WDR43: variants seen among roughly 807,000 people sequenced by gnomAD.
The protein encoded by WDR43 is WD repeat domain 43, also known as WD repeat-containing protein 43.
In WDR43, 13 loss-of-function variants were observed where a neutral mutation model predicts 91.4. That is an observed-to-expected ratio of 0.14 (90% confidence interval 0.09 to 0.23). The LOEUF is 0.23. Among genes scored for constraint, WDR43 ranks in the 10% least tolerant of loss-of-function variants. The pLI is 1.00. For missense variants in WDR43, 780 were observed against 809.4 expected (o/e 0.96, Z 0.44); for synonymous variants, 331 against 287.9 (o/e 1.15, Z -1.51).
chr2:28,912,100 G>C (rs1373637965), intron 3 of WDR43, among the ~76,000 whole-genome samples: 1 of 152,124 alleles, frequency 6.6e-6, no homozygotes, highest in Non-Finnish European at 1.5e-5. Flanking sequence ...TGTGGATTTA[G>C]GGTAGAAATA....
At position 28,946,259 on chromosome 2, in the gene WDR43, C is replaced by A. The variant is rs570187475; in HGVS notation, c.1805-191C>A. Among the ~76,000 whole-genome samples the A allele has an allele frequency of 1.3e-3, 199 of 150,210 alleles. 1 individual carries two copies. Among genetic ancestry groups the A allele is most frequent in the Non-Finnish European group, 2.4e-3 (159 of 67,562 alleles). On this transcript the variant is annotated intron_variant, in intron 16 of 17. Coordinates refer to ENST00000407426, the MANE Select transcript of WDR43 (RefSeq NM_015131.3). ...CTGGGAGGCAGAGGTTGCAGTGAGC[C>A]AAGATTGCTCCACTGCACTCCAGCC...
At chr2:28,917,011 GTCT>G (rs1670923819) in intron 5 of WDR43, among the ~76,000 whole-genome samples, 2 of 152,150 alleles carry the variant, frequency 1.3e-5, no homozygotes, top group African/African-American at 2.4e-5. Flanking sequence ...GCACATCCCA[GTCT>G]TCTTGTGCTT....
At chr2:28,924,756 AG>A (rs1437548085) in intron 7 of WDR43, among the ~76,000 whole-genome samples, 1 of 151,896 alleles carries the variant, frequency 6.6e-6, no homozygotes, top group Non-Finnish European at 1.5e-5. Flanking sequence ...AATGGGACAG[AG>A]GGGGAAGTAG....
intron 1 of WDR43, among the ~76,000 whole-genome samples, chr2:28,901,042 T>C (rs1670570207): frequency 6.6e-6 from 1 of 152,250 alleles, no homozygotes; most frequent in Non-Finnish European, 1.5e-5. Context: ...TGTCTTGGGC[T>C]GTGTGCATGC....
At chr2:28,920,431 T>A (rs1390027352) in intron 6 of WDR43, among the ~76,000 whole-genome samples, 1 of 151,694 alleles carries the variant, frequency 6.6e-6, no homozygotes, top group Non-Finnish European at 1.5e-5. Context: ...TTTTGCCATG[T>A]TGGGAAGGCT....
At chr2:28,901,663 TCA>T (rs1454297810) in intron 1 of WDR43, among the ~76,000 whole-genome samples, 4 of 152,152 alleles carry the variant, frequency 2.6e-5, no homozygotes, top group African/African-American at 4.8e-5. Flanking sequence ...GTTGGACCTG[TCA>T]GGAGGGGCGG....
chr2:28,937,659 C>T (rs1463472902), intron 13 of WDR43, among the ~76,000 whole-genome samples: 1 of 152,106 alleles, frequency 6.6e-6, no homozygotes, highest in Non-Finnish European at 1.5e-5. Context: ...TGAAGTAAAG[C>T]ACGGGTTTTG....
intron 15 of WDR43, 112 bp from the exon 16 acceptor site, chr2:28,942,200 T>C (rs1210841303): frequency 1.1e-6 from 1 of 947,518 alleles, no homozygotes; most frequent in Admixed American, 2.1e-5. Flanking sequence ...TCCATTATGG[T>C]GGTGGAGGGT....
At chr2:28,944,009 A>G (rs1055117667) in intron 16 of WDR43, among the ~76,000 whole-genome samples, 1 of 152,152 alleles carries the variant, frequency 6.6e-6, no homozygotes, top group Non-Finnish European at 1.5e-5. Flanking sequence ...AGTGACCAAT[A>G]CTTCTCCAAG....
chr2:28,944,651 G>A (rs1444901625), intron 16 of WDR43, among the ~76,000 whole-genome samples: 3 of 152,142 alleles, frequency 2.0e-5, no homozygotes, highest in East Asian at 1.9e-4. Flanking sequence ...GAGTTAACAC[G>A]CATAAGTTTG....
intron 10 of WDR43, among the ~76,000 whole-genome samples, chr2:28,929,004 A>G (rs1219791829): frequency 6.6e-6 from 1 of 152,176 alleles, no homozygotes; most frequent in Non-Finnish European, 1.5e-5. Flanking sequence ...AGCAAATTGC[A>G]TCATGTTTAT....
intron 1 of WDR43, among the ~76,000 whole-genome samples, chr2:28,899,146 G>T (rs1248072296): frequency 2.6e-5 from 4 of 152,258 alleles, no homozygotes; most frequent in Middle Eastern, 3.4e-3. Flanking sequence ...ATGCCTTCAG[G>T]AATTGAGATT....
chr2:28,905,726 G>A (rs868109132), intron 2 of WDR43, among the ~76,000 whole-genome samples: 6 of 148,964 alleles, frequency 4.0e-5, no homozygotes, highest in East Asian at 2.0e-4. Context: ...AGGCAATGGC[G>A]CAATCTTGGC....
Position 28,918,694 on chromosome 2 carries a change from T to C in WDR43, c.849+699T>C, listed in dbSNP as rs187967713. Reference sequence around the variant, plus strand: ...TATATATGTATGTATTTTATAAGAGTGATGTCCTCTTGTTTGCTGCCTATA... The same window carrying C: ...TATATATGTATGTATTTTATAAGAGCGATGTCCTCTTGTTTGCTGCCTATA... On this transcript the variant is annotated intron_variant, in intron 6 of 17. Transcript: ENST00000407426. Among the ~76,000 whole-genome samples the C allele has an allele frequency of 5.9e-3, 905 of 152,128 alleles. 9 individuals are homozygous for C. The highest frequency in any genetic ancestry group is 0.02 in the African/African-American group (842 of 41,510).
intron 11 of WDR43, chr2:28,929,974 A>T: frequency 1.8e-6 from 1 of 557,738 alleles, no homozygotes; most frequent in Non-Finnish European, 3.5e-6. Context: ...ATTAGGCTTT[A>T]GTTCATAAAA....
At chr2:28,905,935 A>C (rs1572581426) in intron 2 of WDR43, among the ~76,000 whole-genome samples, 1 of 152,166 alleles carries the variant, frequency 6.6e-6, no homozygotes, top group African/African-American at 2.4e-5. Context: ...CTGGGATTAC[A>C]GGCGTGAGCC....
At chr2:28,924,406 A>G (rs994823062) in intron 7 of WDR43, among the ~76,000 whole-genome samples, 8 of 152,118 alleles carry the variant, frequency 5.3e-5, no homozygotes, top group Admixed American at 2.0e-4. Flanking sequence ...GGGATAGACT[A>G]TTGTCTTGAA....
chr2:28,945,206 GTAGA>G (rs1398367243), intron 16 of WDR43, among the ~76,000 whole-genome samples: 7 of 152,138 alleles, frequency 4.6e-5, no homozygotes, highest in Non-Finnish European at 1.0e-4. Context: ...TTAAGAAAAA[GTAGA>G]TAGAAGAAGA....
intron 5 of WDR43, among the ~76,000 whole-genome samples, chr2:28,916,185 G>T (rs1340337405): frequency 2.0e-5 from 3 of 152,076 alleles, no homozygotes; most frequent in Non-Finnish European, 4.4e-5. Flanking sequence ...GACAGGTTTT[G>T]GGCCATTACA....
Sources: gnomAD v4.1 joint callset for allele counts (sites outside exome capture counted in the v4.1 genomes callset) on GRCh38, gnomAD v4.1.1 for gene constraint, MANE v1.5 for transcripts, NCBI Gene and HGNC (gene_info 2026-07-23, HGNC 2026-07-21) for gene names.